Variants in SHC3 observed in about 807,000 individuals in gnomAD.
SHC3 encodes the protein SHC adaptor protein 3, also known as SHC-transforming protein 3.
In SHC3, 15 loss-of-function variants were observed where a neutral mutation model predicts 60.4. The ratio of observed to expected loss-of-function variants is 0.25; its 90% confidence interval spans 0.17 to 0.38. The LOEUF is 0.38. Ranked by LOEUF, SHC3 falls within the 10% of genes least tolerant of loss-of-function variation. The pLI, the probability that SHC3 is intolerant of heterozygous loss-of-function variation, is 1.00. For synonymous variants in SHC3, 294 were observed against 325.9 expected (o/e 0.90, Z 1.05); for missense variants, 677 against 786.1 (o/e 0.86, Z 1.66).
intron 11 of SHC3, among the ~76,000 whole-genome samples, chr9:89,021,937 G>T (rs1240109942): frequency 6.6e-6 from 1 of 152,182 alleles, no homozygotes; most frequent in South Asian, 2.1e-4. Flanking sequence ...GCAAGACTAC[G>T]GGGTGGTCTT....
At chr9:89,058,514 C>T (rs538020260) in intron 6 of SHC3, among the ~76,000 whole-genome samples, 42 of 129,158 alleles carry the variant, frequency 3.3e-4, no homozygotes, top group South Asian at 2.8e-3. Flanking sequence ...GTGGAGGATG[C>T]GGTGGAGGAC....
chr9:89,138,615 C>T (rs1826351474), intron 1 of SHC3, among the ~76,000 whole-genome samples: 1 of 152,176 alleles, frequency 6.6e-6, no homozygotes, highest in Non-Finnish European at 1.5e-5. Flanking sequence ...ACTTAGAATG[C>T]CTAACCGTCT....
intron 4 of SHC3, 90 bp downstream of exon 4, chr9:89,075,019 T>G: frequency 5.7e-5 from 86 of 1,506,524 alleles, no homozygotes; most frequent in Middle Eastern, 2.2e-4. Context: ...ATATGCTATG[T>G]GAGCTCAGTA....
intron 1 of SHC3, among the ~76,000 whole-genome samples, chr9:89,150,717 A>G (rs7021831): frequency 0.072 from 10,942 of 152,198 alleles, 523 homozygotes; most frequent in Middle Eastern, 0.14. Flanking sequence ...TCTCTTGGGT[A>G]TATACCTGTG....
In SHC3 at chr9:89,141,788, C is replaced by T. The variant is rs1038595695; in HGVS notation, c.475-29162G>A. Among the ~76,000 whole-genome samples the T allele has an allele frequency of 2.6e-5, 4 of 151,830 alleles. No individual in the cohort carries two copies. In the South Asian group the frequency reaches 6.2e-4, roughly 24 times the overall value. ...ACCTCTGACCAGCAGTTTCAACTTG[C>T]GGTCACAGGGCAAGATGATCACCCT... On this transcript the variant is annotated intron_variant, in intron 1 of 11. Coordinates refer to ENST00000375835, the MANE Select transcript of SHC3 (RefSeq NM_016848.6).
rs1391137065 is a variant in SHC3 at position 89,177,903 on chromosome 9, C to T, written c.474+84G>A. 1.7e-5 allele frequency: 19 copies of T among 1,140,336 alleles called. No individual in the cohort carries two copies. The East Asian group carries it at 5.7e-4, about 34-fold the overall frequency. The allele number at this position is 1,140,336 out of a possible 1,614,324, so 70.6% of individuals were successfully genotyped here. On this transcript the variant is annotated intron_variant, in intron 1 of 11. Transcript: ENST00000375835. Reference sequence around the variant, plus strand: ...GTGACAGTCGCGGGAGCGCCCCGCACCCCGGGCTTCAGGGAATGAAGGAGT... The same window carrying T: ...GTGACAGTCGCGGGAGCGCCCCGCATCCCGGGCTTCAGGGAATGAAGGAGT...
intron 11 of SHC3, among the ~76,000 whole-genome samples, chr9:89,027,585 G>T (rs1471205203): frequency 3.6e-5 from 2 of 56,108 alleles, no homozygotes. Context: ...CAAAGTGCTG[G>T]GATTACAGGC....
At chr9:89,040,261 TCAGCAGCAGCACCATCATCAC>T (rs1824666336) in intron 10 of SHC3, among the ~76,000 whole-genome samples, 1 of 1,116 alleles carries the variant, frequency 9.0e-4, no homozygotes, top group Non-Finnish European at 2.1e-3. Context: ...AAAATTACCA[TCAGCAGCAGCACCATCATCAC>T]CACCATCATC....
In SHC3 at chr9:89,038,213, C is replaced by T. The variant is rs1824615877; in HGVS notation, c.1436G>A (p.Ser479Asn). Residue 479 changes from serine to asparagine, a missense_variant, in exon 11 of 12, where the codon AGC becomes AAC. Coordinates refer to ENST00000375835, the MANE Select transcript of SHC3 (RefSeq NM_016848.6). ...ATCTGGGGCTCTAGGTGACACAGGG[C>T]TGATGCACTCCACGGAGGCTGCCTT... is the stretch of plus-strand genomic sequence containing the variant. ...LSKAASVECI[S>N]PVSPRAPDAK... 1 of 1,613,970 alleles carries T rather than the reference C, an allele frequency of 6.2e-7. No homozygotes were observed. Among genetic ancestry groups the T allele is most frequent in the African/African-American group, 1.3e-5 (1 of 74,874 alleles).
chr9:89,113,870 A>G (rs1322602370), intron 1 of SHC3, among the ~76,000 whole-genome samples: 1 of 152,252 alleles, frequency 6.6e-6, no homozygotes, highest in Non-Finnish European at 1.5e-5. Context: ...GACCAATGTC[A>G]GAGAAATATG....
chr9:89,088,932 A>G (rs1398733895), intron 2 of SHC3: 1 of 152,352 alleles, frequency 6.6e-6, no homozygotes, highest in African/African-American at 2.4e-5. Context: ...GGGTGAGACC[A>G]CACCTGCAAG....
intron 1 of SHC3, among the ~76,000 whole-genome samples, chr9:89,165,620 G>C (rs990422865): frequency 2.6e-4 from 39 of 152,120 alleles, no homozygotes; most frequent in African/African-American, 8.9e-4. Context: ...GAAATGAGAG[G>C]TTGGTGACAA....
At chr9:89,050,434 C>T (rs529329137) in intron 7 of SHC3, among the ~76,000 whole-genome samples, 51 of 152,258 alleles carry the variant, frequency 3.3e-4, no homozygotes, top group African/African-American at 1.2e-3. Flanking sequence ...TACAGACATG[C>T]ATCACCATGC....
chr9:89,178,444 T>C lies in SHC3; in HGVS notation c.17A>G (p.Lys6Arg). The C allele has an allele frequency of 6.8e-7, 1 of 1,469,018 alleles. No homozygotes were observed. The highest frequency in any genetic ancestry group is 1.4e-5 in the South Asian group (1 of 72,308). The allele number at this position is 1,469,018 out of a possible 1,614,324, so 91.0% of individuals were successfully genotyped here. ...CGAGTCATTCCTGAAGCGGTTATAC[T>C]TGGTGCGTGGAAGCATGCCCCTCCG... MLPRT[K>R]YNRFRNDSVT... The change falls in exon 1 of 12, where the codon AAG becomes AGG. Residue 6 changes from lysine (K) to arginine (R), a missense_variant. Coordinates refer to ENST00000375835, the MANE Select transcript of SHC3 (RefSeq NM_016848.6). This position sits in a 1 kb window ranked among gnomAD's most constrained non-coding sequence, Gnocchi z 6.9.
At chr9:89,132,643 A>G (rs1826264065) in intron 1 of SHC3, among the ~76,000 whole-genome samples, 1 of 152,222 alleles carries the variant, frequency 6.6e-6, no homozygotes, top group Non-Finnish European at 1.5e-5. Flanking sequence ...AAACCTGACA[A>G]AAACAAGAAA....
intron 7 of SHC3, 133 bp from the exon 8 acceptor site, chr9:89,047,127 G>A: frequency 1.2e-6 from 1 of 812,476 alleles, no homozygotes; most frequent in Admixed American, 3.7e-5. Flanking sequence ...CAGGTCTCAT[G>A]CATAGATGAA....
At chr9:89,083,414 CAG>C (rs963344777) in intron 2 of SHC3, among the ~76,000 whole-genome samples, 4 of 152,148 alleles carry the variant, frequency 2.6e-5, no homozygotes, top group Non-Finnish European at 5.9e-5. Context: ...TGGCTGGGGC[CAG>C]GTGTACAGAA....
rs757063881 is a variant in SHC3 at position 89,042,160 on chromosome 9, G to A, written c.1226C>T (p.Pro409Leu). 30 of 1,543,682 alleles carry A rather than the reference G, an allele frequency of 1.9e-5. No homozygotes were observed. Among genetic ancestry groups the A allele is most frequent in the Middle Eastern group, 1.7e-4 (1 of 5,760 alleles). Residue 409 changes from proline to leucine, a missense_variant, in exon 10 of 12, where the codon CCA becomes CTA. Pro to Leu is a moderately conservative substitution (Grantham distance 98). Transcript: ENST00000375835. The stretch of plus-strand genomic sequence containing the variant: ...GGGGGCCACGTGCAGTTTCCCTTCT[G>A]GCGTGCTGTAGATGTCCGAGGACCC... ...RQGSSDIYST[P>L]EGKLHVAPTG...
At chr9:89,116,109 T>C (rs1057155455) in intron 1 of SHC3, among the ~76,000 whole-genome samples, 3 of 152,148 alleles carry the variant, frequency 2.0e-5, no homozygotes, top group African/African-American at 7.2e-5. Context: ...GTGATGAAGG[T>C]TGCAGTATGG....
Sources: allele counts gnomAD v4.1 joint callset (sites outside exome capture counted in the v4.1 genomes callset), GRCh38; gene constraint gnomAD v4.1.1; non-coding constraint Gnocchi (gnomAD v3.1); transcripts MANE v1.5; gene names NCBI Gene and HGNC (gene_info 2026-07-23, HGNC 2026-07-21).